The following MALRD1 variants were observed in gnomAD, a reference collection of about 807,000 sequenced individuals.
MALRD1 encodes MAM and LDL receptor class A domain containing 1.
MALRD1 carries 247 observed loss-of-function variants against 242.1 expected under a neutral mutation model. The observed-to-expected ratio is 1.02, with a 90% confidence interval of 0.92 to 1.13. The LOEUF (loss-of-function observed/expected upper bound fraction) is 1.13, where lower values mean the gene tolerates loss of function less well. Ranked by LOEUF, MALRD1 falls within the 50% of genes most tolerant of loss-of-function variation. The probability of loss-of-function intolerance (pLI) is 0.00; values close to 1 mark genes in which losing one functional copy is unlikely to be tolerated. For missense variants in MALRD1, 2,989 were observed against 2,533.1 expected, an observed-to-expected ratio of 1.18 and a Z score of -3.86; for synonymous variants, 995 against 866.6, an observed-to-expected ratio of 1.15 and a Z score of -2.60.
intron 4 of MALRD1, among the ~76,000 whole-genome samples, chr10:19,094,276 G>A (rs1478029110): frequency 9.9e-6 from 1 of 100,604 alleles, no homozygotes; most frequent in East Asian, 2.8e-4. Context: ...TGAGCCAGGT[G>A]TGGGATATAG....
intron 36 of MALRD1, among the ~76,000 whole-genome samples, chr10:19,683,902 A>G (rs1417886862): frequency 1.3e-5 from 2 of 151,972 alleles, no homozygotes; most frequent in African/African-American, 4.8e-5. Flanking sequence ...TGCATTAGGT[A>G]TTTGTCCTAA....
intron 2 of MALRD1, among the ~76,000 whole-genome samples, chr10:19,081,292 C>T (rs1471306144): frequency 1.3e-5 from 2 of 152,076 alleles, no homozygotes; most frequent in African/African-American, 4.8e-5. Flanking sequence ...ATAAACGATT[C>T]TATTATAAAG....
chr10:19,635,029 A>G (rs1352327470), intron 36 of MALRD1, among the ~76,000 whole-genome samples: 1 of 152,200 alleles, frequency 6.6e-6, no homozygotes, highest in Non-Finnish European at 1.5e-5. Flanking sequence ...TGTCATGGCA[A>G]GGATCACAGA....
intron 4 of MALRD1, among the ~76,000 whole-genome samples, chr10:19,098,767 A>C (rs2131322138): frequency 6.6e-6 from 1 of 152,298 alleles, no homozygotes; most frequent in South Asian, 2.1e-4. Context: ...AGTGAGGTTA[A>C]GAATGGAGGT....
chr10:19,303,694 A>G lies in MALRD1; in HGVS notation c.3420-20255A>G, dbSNP rs534747141. 2.0e-5 allele frequency among the ~76,000 whole-genome samples: 3 copies of G among 151,842 alleles called. No homozygotes were observed. In the South Asian group the frequency reaches 6.2e-4, roughly 31 times the overall value. ...TAACTTATTTTCATTAATATATACA[A>G]ATCTTTTCAACGTGTAATCAATATA... On this transcript the variant is annotated intron_variant, in intron 21 of 39. Coordinates refer to ENST00000454679, the MANE Select transcript of MALRD1 (RefSeq NM_001142308.3).
intron 29 of MALRD1, among the ~76,000 whole-genome samples, chr10:19,490,599 A>G (rs1386734113): frequency 6.6e-6 from 1 of 151,808 alleles, no homozygotes; most frequent in Admixed American, 6.6e-5. Flanking sequence ...CCAAAACAAC[A>G]CTAACTGAGG....
intron 29 of MALRD1, among the ~76,000 whole-genome samples, chr10:19,457,468 A>G (rs1036075969): frequency 1.3e-5 from 2 of 152,054 alleles, no homozygotes; most frequent in Non-Finnish European, 2.9e-5. Context: ...CCCAGGGTGG[A>G]TGTAATCTCA....
chr10:19,187,784 G>A (rs1835803140), intron 14 of MALRD1, among the ~76,000 whole-genome samples: 1 of 152,124 alleles, frequency 6.6e-6, no homozygotes. Flanking sequence ...ACATAAATAT[G>A]GAGACAATAG....
At chr10:19,228,431 T>G (rs1837892085) in intron 18 of MALRD1, among the ~76,000 whole-genome samples, 1 of 152,192 alleles carries the variant, frequency 6.6e-6, no homozygotes, top group South Asian at 2.1e-4. Context: ...AAACATTTTG[T>G]GATGATGCAG....
At chr10:19,226,433 T>C (rs1443631479) in intron 18 of MALRD1, among the ~76,000 whole-genome samples, 1 of 152,154 alleles carries the variant, frequency 6.6e-6, no homozygotes, top group Non-Finnish European at 1.5e-5. Flanking sequence ...TGCAATGATG[T>C]CCTCTCTCCC....
At chr10:19,692,384 A>G in intron 37 of MALRD1, 23 bp downstream of exon 37, 1 of 1,533,606 alleles carries the variant, frequency 6.5e-7, no homozygotes, top group Non-Finnish European at 8.7e-7. Context: ...ATGACTAAAT[A>G]AATGGCTTGG....
chr10:19,466,577 T>C (rs1251406577), intron 29 of MALRD1, among the ~76,000 whole-genome samples: 1 of 152,206 alleles, frequency 6.6e-6, no homozygotes, highest in Non-Finnish European at 1.5e-5. Context: ...TGGTTTCTTC[T>C]GAGGCCTCTC....
At chr10:19,107,216 A>C (rs935933304) in intron 5 of MALRD1, among the ~76,000 whole-genome samples, 1 of 152,030 alleles carries the variant, frequency 6.6e-6, no homozygotes, top group African/African-American at 2.4e-5. Flanking sequence ...TCCATTGCTG[A>C]AAGTAGGGAG....
intron 13 of MALRD1, among the ~76,000 whole-genome samples, chr10:19,173,007 A>G (rs372860947): frequency 6.6e-6 from 1 of 152,066 alleles, no homozygotes; most frequent in Admixed American, 6.6e-5. Context: ...AGAATCTTAA[A>G]AATTATTATG....
chr10:19,317,647 T>C (rs1354051045), intron 21 of MALRD1, among the ~76,000 whole-genome samples: 1 of 151,984 alleles, frequency 6.6e-6, no homozygotes, highest in Non-Finnish European at 1.5e-5. Context: ...TGATGGGCCT[T>C]ACTGAAAAAT....
intron 36 of MALRD1, among the ~76,000 whole-genome samples, chr10:19,688,228 C>T (rs1159767757): frequency 6.6e-6 from 1 of 152,162 alleles, no homozygotes; most frequent in Non-Finnish European, 1.5e-5. Context: ...GCCTTGGCCT[C>T]CCAAAGTGCT....
At chr10:19,300,053 G>A (rs1841877062) in intron 21 of MALRD1, among the ~76,000 whole-genome samples, 1 of 151,868 alleles carries the variant, frequency 6.6e-6, no homozygotes, top group Non-Finnish European at 1.5e-5. Context: ...ACAAAAGTCA[G>A]TAACATTTCT....
intron 13 of MALRD1, among the ~76,000 whole-genome samples, chr10:19,174,930 C>CT (rs1835168063): frequency 6.6e-6 from 1 of 152,126 alleles, no homozygotes; most frequent in South Asian, 2.1e-4. Context: ...GCATATGACT[C>CT]TTAATGGCTC....
intron 33 of MALRD1, among the ~76,000 whole-genome samples, chr10:19,572,154 A>T (rs182302752): frequency 1.3e-5 from 2 of 152,312 alleles, no homozygotes; most frequent in East Asian, 1.9e-4. Flanking sequence ...GTCCTACCTT[A>T]ATTCCTTTAG....
Sources: gnomAD v4.1 joint callset for allele counts (sites outside exome capture counted in the v4.1 genomes callset) on GRCh38, gnomAD v4.1.1 for gene constraint, MANE v1.5 for transcripts, NCBI Gene and HGNC (gene_info 2026-07-23, HGNC 2026-07-21) for gene names.